Variants in SSBP2 observed in about 807,000 individuals in gnomAD.
SSBP2 encodes the protein single-stranded DNA-binding protein 2.
Under a neutral mutation model 61.8 loss-of-function variants are expected in SSBP2, and 17 were observed. That is an observed-to-expected ratio of 0.28 (90% CI 0.19 to 0.41). The LOEUF (loss-of-function observed/expected upper bound fraction) is 0.41. Among genes scored for constraint, SSBP2 ranks in the 10% least tolerant of loss-of-function variants. SSBP2 has a pLI of 1.00. For missense variants in SSBP2, 310 were observed against 458.7 expected, an observed-to-expected ratio of 0.68 and a Z score of 2.96; for synonymous variants, 139 against 141.3, an observed-to-expected ratio of 0.98 and a Z score of 0.12.
chr5:81,450,375 A>G (rs1561414175), intron 10 of SSBP2, among the ~76,000 whole-genome samples: 2 of 152,060 alleles, frequency 1.3e-5, no homozygotes, highest in African/African-American at 4.8e-5. Flanking sequence ...CAATTTATCT[A>G]TCGGCTCCTA....
At chr5:81,604,461 T>C (rs1744683819) in intron 4 of SSBP2, among the ~76,000 whole-genome samples, 3 of 152,058 alleles carry the variant, frequency 2.0e-5, no homozygotes, top group Admixed American at 1.3e-4. Flanking sequence ...GGAAAACCCA[T>C]GAGAAAATCA....
At chr5:81,668,503 G>A (rs1416677171) in intron 1 of SSBP2, among the ~76,000 whole-genome samples, 2 of 151,696 alleles carry the variant, frequency 1.3e-5, no homozygotes, top group Non-Finnish European at 2.9e-5. Context: ...TTATAAAACT[G>A]CATTTTTACT....
chr5:81,473,904 T>G lies in SSBP2; in HGVS notation c.500-134A>C, dbSNP rs114035524. The G allele has an allele frequency of 9.7e-4, 733 of 758,532 alleles. 5 individuals are homozygous for G. The highest frequency in any genetic ancestry group is 9.5e-3 in the African/African-American group (548 of 57,958). The allele number at this position is 758,532 out of a possible 1,614,324, so 47.0% of individuals were successfully genotyped here. ...GTACTGACACCATCTTACCTTGGCTTCCAGACCACTTTTCCACCTCTTACC... is the reference window on the plus strand; with the variant it reads ...GTACTGACACCATCTTACCTTGGCTGCCAGACCACTTTTCCACCTCTTACC... On this transcript the variant is annotated intron_variant, in intron 7 of 16. Coordinates refer to ENST00000320672, the MANE Select transcript of SSBP2 (RefSeq NM_012446.5).
At chr5:81,432,831 A>T (rs1461092526) in intron 15 of SSBP2, among the ~76,000 whole-genome samples, 1 of 142,854 alleles carries the variant, frequency 7.0e-6, no homozygotes, top group Non-Finnish European at 1.5e-5. Context: ...CCGCCCGGCC[A>T]GCCGCCCCGT....
intron 1 of SSBP2, among the ~76,000 whole-genome samples, chr5:81,654,997 T>A (rs1355713747): frequency 6.6e-6 from 1 of 151,680 alleles, no homozygotes; most frequent in Non-Finnish European, 1.5e-5. Flanking sequence ...TTATATATAT[T>A]TTAAAAATTA....
intron 4 of SSBP2, among the ~76,000 whole-genome samples, chr5:81,561,762 T>C (rs1773058209): frequency 6.6e-6 from 1 of 152,182 alleles, no homozygotes; most frequent in African/African-American, 2.4e-5. Context: ...ATACTGTAAA[T>C]GCCTCTCATC....
rs371378073 is a variant in SSBP2 at position 81,454,152 on chromosome 5, T to C, written c.688-5327A>G. On this transcript the variant is annotated intron_variant, in intron 10 of 16. Coordinates refer to ENST00000320672, the MANE Select transcript of SSBP2 (RefSeq NM_012446.5). ...AGAAGGTGGTGAGGGAGTGGAAGTA[T>C]GGGAGACATGGGATGGTGGCTGGAG... Among the ~76,000 whole-genome samples, 399 of 152,114 alleles carry C rather than the reference T, an allele frequency of 2.6e-3. 1 individual carries two copies. Among genetic ancestry groups the C allele is most frequent in the African/African-American group, 9.3e-3 (384 of 41,506 alleles).
chr5:81,678,555 CA>C (rs1221201568), intron 1 of SSBP2, among the ~76,000 whole-genome samples: 1 of 151,828 alleles, frequency 6.6e-6, no homozygotes, highest in Non-Finnish European at 1.5e-5. Flanking sequence ...CACCAAACCA[CA>C]AATCTAGGAA....
intron 9 of SSBP2, among the ~76,000 whole-genome samples, chr5:81,462,342 C>CAA (rs1197083422): frequency 3.9e-5 from 6 of 152,146 alleles, no homozygotes; most frequent in African/African-American, 1.4e-4. Context: ...TATGATATTA[C>CAA]CCATGTTTGC....
At chr5:81,533,850 T>A (rs1770598749) in intron 4 of SSBP2, among the ~76,000 whole-genome samples, 1 of 152,030 alleles carries the variant, frequency 6.6e-6, no homozygotes, top group Non-Finnish European at 1.5e-5. Flanking sequence ...GGTAACTCAG[T>A]CACAGGGGGA....
At chr5:81,610,937 T>G (rs1319196042) in intron 4 of SSBP2, among the ~76,000 whole-genome samples, 2 of 152,186 alleles carry the variant, frequency 1.3e-5, no homozygotes, top group Non-Finnish European at 2.9e-5. Context: ...GAGGTTGTGG[T>G]GAGCCAAGAT....
At chr5:81,591,773 C>G (rs904644873) in intron 4 of SSBP2, among the ~76,000 whole-genome samples, 3 of 152,058 alleles carry the variant, frequency 2.0e-5, no homozygotes, top group African/African-American at 4.8e-5. Flanking sequence ...AAAAAGAGAA[C>G]AGATCATCCA....
intron 12 of SSBP2, among the ~76,000 whole-genome samples, chr5:81,445,971 T>C (rs1468260869): frequency 2.0e-5 from 3 of 152,196 alleles, no homozygotes; most frequent in Non-Finnish European, 4.4e-5. Context: ...TCTTTGATAA[T>C]AATTATAATG....
intron 10 of SSBP2, among the ~76,000 whole-genome samples, chr5:81,456,112 TTAA>T (rs1196793889): frequency 6.6e-6 from 1 of 152,190 alleles, no homozygotes; most frequent in African/African-American, 2.4e-5. Flanking sequence ...TTAGTGCTTT[TTAA>T]AAAAATGAGC....
chr5:81,686,610 G>A (rs181993879), intron 1 of SSBP2, among the ~76,000 whole-genome samples: 173 of 151,876 alleles, frequency 1.1e-3, no homozygotes, highest in African/African-American at 3.5e-3. Context: ...TAATCTCAGC[G>A]CTTTGGGAGG....
At chr5:81,421,489 G>A (rs754023566) in intron 16 of SSBP2, among the ~76,000 whole-genome samples, 1 of 152,132 alleles carries the variant, frequency 6.6e-6, no homozygotes, top group Non-Finnish European at 1.5e-5. Context: ...CCCTGTGCTC[G>A]GCCTGTGACT....
intron 4 of SSBP2, among the ~76,000 whole-genome samples, chr5:81,551,428 A>G (rs1772182076): frequency 6.6e-6 from 1 of 152,152 alleles, no homozygotes; most frequent in Non-Finnish European, 1.5e-5. Flanking sequence ...GAATTTTATC[A>G]TACTCATGAT....
At chr5:81,634,123 T>G (rs577556742) in intron 3 of SSBP2, among the ~76,000 whole-genome samples, 5 of 152,350 alleles carry the variant, frequency 3.3e-5, no homozygotes, top group South Asian at 4.2e-4. Context: ...CCTCATTATA[T>G]TCTCCAGTGT....
chr5:81,656,464 C>T (rs1292044159), intron 1 of SSBP2, among the ~76,000 whole-genome samples: 7 of 152,008 alleles, frequency 4.6e-5, no homozygotes. Context: ...TATGTCAAGG[C>T]TAATATGTTT....
Sources: gnomAD v4.1 joint callset for allele counts (sites outside exome capture counted in the v4.1 genomes callset) on GRCh38, gnomAD v4.1.1 for gene constraint, MANE v1.5 for transcripts, NCBI Gene and HGNC (gene_info 2026-07-23, HGNC 2026-07-21) for gene names.